The following ENTPD1 variants were observed in gnomAD, a reference collection of about 807,000 sequenced individuals.
ENTPD1 encodes ectonucleoside triphosphate diphosphohydrolase 1.
In ENTPD1, 33 loss-of-function variants were observed where a neutral mutation model predicts 57.0. The ratio of observed to expected loss-of-function variants is 0.58; its 90% CI spans 0.44 to 0.77. The LOEUF (loss-of-function observed/expected upper bound fraction) is 0.77. Ranked by LOEUF, ENTPD1 falls within the 30% of genes least tolerant of loss-of-function variation. The pLI, the probability that ENTPD1 is intolerant of heterozygous loss-of-function variation, is 0.00. For missense variants in ENTPD1, 501 were observed against 603.4 expected (o/e 0.83, Z 1.78); for synonymous variants, 202 against 218.8 (o/e 0.92, Z 0.68).
chr10:95,871,205 G>A lies in ENTPD1; in HGVS notation c.*4822G>A. 1 of 985,322 alleles carries A rather than the reference G, an allele frequency of 1.0e-6. No individual in the cohort carries two copies. The highest frequency in any genetic ancestry group is 1.2e-6 in the Non-Finnish European group (1 of 829,902). 61.0% of individuals were successfully genotyped at this position (985,322 alleles called of 1,614,324 possible). ...CCATGAGTGATTAATTTTAACACAG[G>A]AAAAAAGTAAAGCATTAAATGCGAT... On this transcript the variant is annotated 3_prime_UTR_variant, in exon 10 of 10. Coordinates refer to ENST00000371205, the MANE Select transcript of ENTPD1 (RefSeq NM_001776.6).
chr10:95,869,241 C>CTTTTTTTTTTTTTTTTTTTTTTT lies in ENTPD1; in HGVS notation c.*2862_*2884dup, dbSNP rs11312564. ...GAAAAAAGATCAGCAGAAGTCATTA[C>CTTTTTTTTTTTTTTTTTTTTTTT]TTTTTTTTTTTTTTTTTTTTTTTTT... On this transcript the variant is annotated 3_prime_UTR_variant, in exon 10 of 10. Transcript: ENST00000371205. 2 of 629,798 alleles carry CTTTTTTTTTTTTTTTTTTTTTTT rather than the reference C, an allele frequency of 3.2e-6. 1 individual carries two copies. The highest frequency in any genetic ancestry group is 6.7e-5 in the African/African-American group (2 of 29,872). 39.0% of individuals were successfully genotyped at this position (629,798 alleles called of 1,614,324 possible). A position where few individuals can be genotyped will look rare whatever the true frequency, so the allele number is the denominator to read the frequency against.
At chr10:95,710,049 C>T (rs372802327), upstream of ENTPD1, among the ~76,000 whole-genome samples, 8 of 150,980 alleles carry the variant, frequency 5.3e-5, no homozygotes, top group South Asian at 4.4e-4. Context: ...GCTGGGATTA[C>T]AAGCGTAAGC....
At chr10:95,836,846 T>G (rs905222738) in intron 2 of ENTPD1, among the ~76,000 whole-genome samples, 5 of 152,200 alleles carry the variant, frequency 3.3e-5, no homozygotes, top group Non-Finnish European at 7.4e-5. Context: ...TGATGGATGT[T>G]GTAACAAAGA....
chr10:95,770,516 A>AAC, intron 1 of ENTPD1, among the ~76,000 whole-genome samples: 1 of 152,298 alleles, frequency 6.6e-6, no homozygotes, highest in South Asian at 2.1e-4. Context: ...AGAGGTGTGT[A>AAC]ACTTCCTGGT....
intron 1 of ENTPD1, among the ~76,000 whole-genome samples, chr10:95,781,145 A>C (rs568318919): frequency 6.6e-6 from 1 of 152,308 alleles, no homozygotes; most frequent in South Asian, 2.1e-4. Context: ...TAAGTGAAAT[A>C]AGTCAGGCAC....
intron 1 of ENTPD1, among the ~76,000 whole-genome samples, chr10:95,804,698 A>G (rs769202414): frequency 1.3e-4 from 20 of 152,238 alleles, no homozygotes; most frequent in Non-Finnish European, 2.6e-4. Context: ...TGCCCTGTCC[A>G]GAACTTCCAA....
At chr10:95,789,575 C>CAA (rs2098194621) in intron 1 of ENTPD1, among the ~76,000 whole-genome samples, 1 of 151,770 alleles carries the variant, frequency 6.6e-6, no homozygotes, top group African/African-American at 2.4e-5. Flanking sequence ...TGGAAAAACT[C>CAA]AAAGATGAAC....
In ENTPD1 at chr10:95,871,225, T is replaced by G; in HGVS notation, c.*4842T>G. Reference sequence around the variant, plus strand: ...CACAGGAAAAAAGTAAAGCATTAAATGCGATTATTTAATATACAATGTCTT... The same window carrying G: ...CACAGGAAAAAAGTAAAGCATTAAAGGCGATTATTTAATATACAATGTCTT... On this transcript the variant is annotated 3_prime_UTR_variant, in exon 10 of 10. Transcript: ENST00000371205. The G allele has an allele frequency of 1.0e-6, 1 of 985,440 alleles. No homozygotes were observed. The allele number at this position is 985,440 out of a possible 1,614,324, so 61.0% of individuals were successfully genotyped here. A position where few individuals can be genotyped will look rare whatever the true frequency, so the allele number is the denominator to read the frequency against.
At chr10:95,757,135 G>A (rs1485640130) in intron 1 of ENTPD1, among the ~76,000 whole-genome samples, 1 of 152,162 alleles carries the variant, frequency 6.6e-6, no homozygotes, top group Non-Finnish European at 1.5e-5. Flanking sequence ...ATTCCCACAT[G>A]CTTATACCGT....
chr10:95,748,387 A>G (rs2098008336), intron 1 of ENTPD1, among the ~76,000 whole-genome samples: 1 of 152,234 alleles, frequency 6.6e-6, no homozygotes, highest in Non-Finnish European at 1.5e-5. Flanking sequence ...TTTCACCAGG[A>G]TTCTTTTTTG....
intron 1 of ENTPD1, among the ~76,000 whole-genome samples, chr10:95,741,235 G>A (rs2139875725): frequency 6.6e-6 from 1 of 152,144 alleles, no homozygotes; most frequent in Middle Eastern, 3.4e-3. Context: ...TTATTAATTG[G>A]CCTAATTTCA....
chr10:95,847,356 G>T, intron 6 of ENTPD1, 90 bp from the exon 7 acceptor site: 2 of 1,484,434 alleles, frequency 1.3e-6, no homozygotes, highest in Non-Finnish European at 1.9e-6. Flanking sequence ...GTGGGATGTT[G>T]TACAGTGCCT....
chr10:95,763,246 G>A (rs1317476123), intron 1 of ENTPD1, among the ~76,000 whole-genome samples: 1 of 152,010 alleles, frequency 6.6e-6, no homozygotes, highest in African/African-American at 2.4e-5. Context: ...TTCTGAATCT[G>A]TTCTTACTGT....
At chr10:95,775,643 T>C (rs1265399561) in intron 1 of ENTPD1, among the ~76,000 whole-genome samples, 1 of 152,214 alleles carries the variant, frequency 6.6e-6, no homozygotes, top group Non-Finnish European at 1.5e-5. Flanking sequence ...GTTCTGTAGA[T>C]GTCTATTAGG....
intron 1 of ENTPD1, among the ~76,000 whole-genome samples, chr10:95,806,278 C>T (rs550235397): frequency 2.0e-5 from 3 of 152,130 alleles, no homozygotes; most frequent in African/African-American, 4.8e-5. Context: ...TCCACTTGAT[C>T]GAATCGGCTA....
intron 1 of ENTPD1, chr10:95,756,484 C>G: frequency 1.8e-6 from 1 of 569,136 alleles, no homozygotes. Context: ...GCTGGAGGGG[C>G]TCATGAATAT....
chr10:95,792,009 C>A (rs532913402), intron 1 of ENTPD1, among the ~76,000 whole-genome samples: 2 of 152,004 alleles, frequency 1.3e-5, no homozygotes, highest in East Asian at 3.9e-4. Flanking sequence ...TTAAGAGAGA[C>A]TAAAAGTGCC....
At chr10:95,763,982 A>ATC (rs747236123) in intron 1 of ENTPD1, among the ~76,000 whole-genome samples, 5 of 152,214 alleles carry the variant, frequency 3.3e-5, no homozygotes, top group Non-Finnish European at 7.3e-5. Flanking sequence ...ATAGTTGTTG[A>ATC]TCTTATTATC....
Position 95,876,484 on chromosome 10 carries a change from T to C in ENTPD1, c.*10101T>C, listed in dbSNP as rs2098485912. ...AATAGCTTAAAAATATGTCTCTCTG[T>C]CCTATTCTGTATCTGTATCTCTTGG... On this transcript the variant is annotated 3_prime_UTR_variant, in exon 10 of 10. Transcript: ENST00000371205. 1 of 1,231,342 alleles carries C rather than the reference T, an allele frequency of 8.1e-7. No homozygotes were observed. Among genetic ancestry groups the C allele is most frequent in the Non-Finnish European group, 1.0e-6 (1 of 987,830 alleles). The allele number at this position is 1,231,342 out of a possible 1,614,324, so 76.3% of individuals were successfully genotyped here.
Sources: gnomAD v4.1 joint callset for allele counts (sites outside exome capture counted in the v4.1 genomes callset) on GRCh38, gnomAD v4.1.1 for gene constraint, MANE v1.5 for transcripts, NCBI Gene and HGNC (gene_info 2026-07-23, HGNC 2026-07-21) for gene names.